The following AIG1 variants were observed in gnomAD, a reference collection of about 807,000 sequenced individuals.
The protein encoded by AIG1 is androgen-induced gene 1 protein.
In AIG1, 23 loss-of-function variants were observed where a neutral mutation model predicts 31.4. That is an observed-to-expected ratio of 0.73 (90% CI 0.53 to 1.04). The LOEUF (loss-of-function observed/expected upper bound fraction) is 1.04. Among genes scored for constraint, AIG1 ranks in the 50% least tolerant of loss-of-function variants. The probability of loss-of-function intolerance (pLI) is 0.00; values close to 1 mark genes in which losing one functional copy is unlikely to be tolerated. For missense variants in AIG1, 274 were observed against 295.0 expected, an observed-to-expected ratio of 0.93 and a Z score of 0.52; for synonymous variants, 100 against 110.5, an observed-to-expected ratio of 0.90 and a Z score of 0.60.
At chr6:143,123,582 A>G (rs888605176) in intron 1 of AIG1, among the ~76,000 whole-genome samples, 8 of 152,112 alleles carry the variant, frequency 5.3e-5, no homozygotes, top group Non-Finnish European at 7.4e-5. Flanking sequence ...TTTCAACATT[A>G]TGCCCGTGCA....
At chr6:143,073,242 A>T (rs528203410) in intron 1 of AIG1, among the ~76,000 whole-genome samples, 1 of 152,282 alleles carries the variant, frequency 6.6e-6, no homozygotes, top group South Asian at 2.1e-4. Context: ...ATGTATATAT[A>T]CACTGCAGTT....
chr6:143,203,631 G>T (rs1790874872), intron 3 of AIG1, among the ~76,000 whole-genome samples: 2 of 152,124 alleles, frequency 1.3e-5, no homozygotes. Flanking sequence ...TAGGACCAAT[G>T]GATGGAAGCT....
chr6:143,076,925 C>A (rs1009872102), intron 1 of AIG1, among the ~76,000 whole-genome samples: 1 of 152,154 alleles, frequency 6.6e-6, no homozygotes, highest in African/African-American at 2.4e-5. Flanking sequence ...CCTGCCTCAG[C>A]CTCCCAAAGT....
intron 3 of AIG1, among the ~76,000 whole-genome samples, chr6:143,182,691 C>G (rs1788846519): frequency 6.6e-6 from 1 of 152,160 alleles, no homozygotes; most frequent in African/African-American, 2.4e-5. Flanking sequence ...TGTCTATCTT[C>G]CCTTGCTAGA....
intron 2 of AIG1, among the ~76,000 whole-genome samples, chr6:143,155,899 C>T (rs1438485546): frequency 2.0e-5 from 3 of 152,088 alleles, no homozygotes; most frequent in Non-Finnish European, 2.9e-5. Context: ...CTGGCAAGTT[C>T]TTCAAAGTTT....
chr6:143,187,310 T>C, intron 3 of AIG1: 2 of 1,217,168 alleles, frequency 1.6e-6, no homozygotes, highest in Non-Finnish European at 2.3e-6. Flanking sequence ...TATTCACACA[T>C]ATGGCAAATA....
intron 2 of AIG1, among the ~76,000 whole-genome samples, chr6:143,140,008 A>G (rs572140167): frequency 6.6e-6 from 1 of 152,328 alleles, no homozygotes; most frequent in South Asian, 2.1e-4. Context: ...GACTTGAGTA[A>G]TTTATAAAGG....
In AIG1 at chr6:143,334,253, C is replaced by A. The variant is rs549136056; in HGVS notation, c.679+808C>A. ...AAGATGGTTTGGAGATTTTAGGAAG[C>A]CCTGGCTCTTTCCTCTGACACAATC... On this transcript the variant is annotated intron_variant, in intron 5 of 5. Transcript: ENST00000357847. The surrounding 1 kb of genome is among the most constrained non-coding windows in gnomAD (Gnocchi z 5.1). Among the ~76,000 whole-genome samples the A allele has an allele frequency of 6.6e-6, 1 of 152,206 alleles. No individual in the cohort carries two copies.
chr6:143,278,213 C>T (rs1423026396), intron 3 of AIG1, among the ~76,000 whole-genome samples: 1 of 152,174 alleles, frequency 6.6e-6, no homozygotes, highest in Non-Finnish European at 1.5e-5. Flanking sequence ...AAAGAACATC[C>T]ATTCATAAAT....
intron 3 of AIG1, among the ~76,000 whole-genome samples, chr6:143,204,791 G>A (rs904340253): frequency 6.6e-6 from 1 of 152,066 alleles, no homozygotes; most frequent in Admixed American, 6.6e-5. Flanking sequence ...CCACCTCAGA[G>A]ATAAGGACAA....
At position 143,135,299 on chromosome 6, in the gene AIG1, T is replaced by G. The variant is rs189781064; in HGVS notation, c.142-1536T>G. On this transcript the variant is annotated intron_variant, in intron 1 of 5. Transcript: ENST00000357847. ...TCACTCCAGTTTAATCAAACTCCAT[T>G]AGGGCCAACATAGAGATTCAAACAT... 6.4e-4 allele frequency among the ~76,000 whole-genome samples: 98 copies of G among 152,160 alleles called. 1 individual carries two copies. In the South Asian group the frequency reaches 0.019, roughly 30 times the overall value.
Position 143,291,108 on chromosome 6 carries a change from C to T in AIG1, c.515+6883C>T, listed in dbSNP as rs568636826. On this transcript the variant is annotated intron_variant, in intron 4 of 5. Transcript: ENST00000357847. This position sits in a 1 kb window ranked among gnomAD's most constrained non-coding sequence, Gnocchi z 4.2. Reference sequence around the variant, plus strand: ...GAGGCAGGAATTTAGGAAGCTGACTCGTTAGCCTTCCTTATATCTCCTATT... The same window carrying T: ...GAGGCAGGAATTTAGGAAGCTGACTTGTTAGCCTTCCTTATATCTCCTATT... Among the ~76,000 whole-genome samples, 3 of 152,210 alleles carry T rather than the reference C, an allele frequency of 2.0e-5. No homozygotes were observed. The highest frequency in any genetic ancestry group is 7.2e-5 in the African/African-American group (3 of 41,536).
At chr6:143,170,553 A>T (rs551883760) in intron 3 of AIG1, among the ~76,000 whole-genome samples, 2 of 149,606 alleles carry the variant, frequency 1.3e-5, no homozygotes, top group African/African-American at 4.9e-5. Context: ...ACCTAATGGT[A>T]TGTCAGTTTT....
At chr6:143,167,435 CTT>C (rs1043099068) in intron 3 of AIG1, among the ~76,000 whole-genome samples, 1 of 152,188 alleles carries the variant, frequency 6.6e-6, no homozygotes, top group African/African-American at 2.4e-5. Context: ...TTACGAGAGA[CTT>C]TGCTGACAAC....
intron 4 of AIG1, among the ~76,000 whole-genome samples, chr6:143,318,431 G>A (rs1214948745): frequency 1.3e-5 from 2 of 152,160 alleles, no homozygotes; most frequent in South Asian, 2.1e-4. Flanking sequence ...CAAGCCACAT[G>A]TAGAAGAATG....
chr6:143,203,133 C>CT (rs1302972911), intron 3 of AIG1, among the ~76,000 whole-genome samples: 1 of 152,264 alleles, frequency 6.6e-6, no homozygotes, highest in Middle Eastern at 3.4e-3. Flanking sequence ...AGTTAGAACT[C>CT]TAATTTGATC....
chr6:143,145,724 G>A (rs893927633), intron 2 of AIG1, among the ~76,000 whole-genome samples: 1 of 152,028 alleles, frequency 6.6e-6, no homozygotes, highest in Non-Finnish European at 1.5e-5. Flanking sequence ...AACAAAATCA[G>A]GAGTTTTAAA....
intron 3 of AIG1, among the ~76,000 whole-genome samples, chr6:143,251,706 C>G (rs1247465389): frequency 3.3e-5 from 5 of 152,172 alleles, no homozygotes; most frequent in African/African-American, 1.2e-4. Context: ...GATGGTACTG[C>G]ACTTTCAAGC....
intron 3 of AIG1, among the ~76,000 whole-genome samples, chr6:143,234,957 G>T (rs545778051): frequency 6.6e-6 from 1 of 152,220 alleles, no homozygotes; most frequent in Non-Finnish European, 1.5e-5. Flanking sequence ...TATTCCCTCT[G>T]AGTTAAATGC....
Sources: gnomAD v4.1 joint callset for allele counts (sites outside exome capture counted in the v4.1 genomes callset) on GRCh38, gnomAD v4.1.1 for gene constraint, Gnocchi (gnomAD v3.1) non-coding constraint, MANE v1.5 for transcripts, NCBI Gene and HGNC (gene_info 2026-07-23, HGNC 2026-07-21) for gene names.